RET: variants seen among roughly 807,000 people sequenced by gnomAD.
RET encodes the protein proto-oncogene tyrosine-protein kinase receptor Ret.
In RET, 19 loss-of-function variants were observed where a neutral mutation model predicts 118.3. That is an observed-to-expected ratio of 0.16 (90% CI 0.11 to 0.24). The LOEUF (loss-of-function observed/expected upper bound fraction) is 0.24. Among genes scored for constraint, RET ranks in the 10% least tolerant of loss-of-function variants. The pLI is 1.00. For missense variants in RET, 1,219 were observed against 1,502.1 expected (o/e 0.81, Z 3.12); for synonymous variants, 597 against 644.1 (o/e 0.93, Z 1.11).
At chr10:43,105,827 G>A (rs1837760168) in intron 4 of RET, among the ~76,000 whole-genome samples, 1 of 152,316 alleles carries the variant, frequency 6.6e-6, no homozygotes, top group Admixed American at 6.5e-5. Context: ...GTGAGTAAAG[G>A]CTATGTGGGC....
At chr10:43,086,902 G>A (rs772142939) in intron 1 of RET, among the ~76,000 whole-genome samples, 8 of 152,252 alleles carry the variant, frequency 5.3e-5, no homozygotes, top group Non-Finnish European at 1.2e-4. Context: ...GCAGAAGGTA[G>A]CCTTGGGCTG....
At chr10:43,096,766 A>G (rs961573801) in intron 1 of RET, among the ~76,000 whole-genome samples, 5 of 152,188 alleles carry the variant, frequency 3.3e-5, no homozygotes, top group Admixed American at 6.5e-5. Flanking sequence ...ATCTAGAATT[A>G]TGAAGAATTT....
At chr10:43,122,928 A>C (rs1464739093) in intron 16 of RET, among the ~76,000 whole-genome samples, 1 of 152,150 alleles carries the variant, frequency 6.6e-6, no homozygotes, top group Non-Finnish European at 1.5e-5. Context: ...CATCTTAAAT[A>C]CTGTGGGCTG....
rs1010774935 is a variant in RET at position 43,129,098 on chromosome 10, G to A, written c.*829G>A. On this transcript the variant is annotated 3_prime_UTR_variant, in exon 20 of 20. Transcript: ENST00000355710. ...GAGAACAGTATGAAGAAAGGGGGCTGTTGGAGTCCCAGAATTGCTGACAGC... is the reference window on the plus strand; with the variant it reads ...GAGAACAGTATGAAGAAAGGGGGCTATTGGAGTCCCAGAATTGCTGACAGC... 1.7e-5 allele frequency: 4 copies of A among 233,474 alleles called. No individual in the cohort carries two copies. The highest frequency in any genetic ancestry group is 4.4e-5 in the African/African-American group (2 of 45,310). The allele number at this position is 233,474 out of a possible 1,614,324, so 14.5% of individuals were successfully genotyped here.
rs1217729118 is a variant in RET at position 43,100,627 on chromosome 10, A to G, written c.242A>G (p.His81Arg). The G allele has an allele frequency of 1.9e-6, 3 of 1,613,842 alleles. No individual in the cohort carries two copies. Among genetic ancestry groups the G allele is most frequent in the Admixed American group, 1.7e-5 (1 of 59,986 alleles). The change falls in exon 2 of 20, where the codon CAT becomes CGT. Residue 81 changes from histidine to arginine, a missense_variant. Physicochemically the swap from His to Arg is conservative, Grantham distance 29. Transcript: ENST00000355710. The stretch of plus-strand genomic sequence containing the variant: ...TACGGCACGTACCGCACACGGCTGC[A>G]TGAGAACAACTGGATCTGCATCCAG... ...HLYGTYRTRL[H>R]ENNWICIQED...
Position 43,124,838 on chromosome 10 carries a change from C to T in RET, c.2940-45C>T, listed in dbSNP as rs370072408. On this transcript the variant is annotated intron_variant, in intron 17 of 19. Coordinates refer to ENST00000355710, the MANE Select transcript of RET (RefSeq NM_020975.6). ...CTGTGGTGGGCTGTCCTTCTGAGAC[C>T]TGGCCCTGCTTGGATCATATTGGCC... is the stretch of plus-strand genomic sequence containing the variant. The T allele has an allele frequency of 4.6e-4, 740 of 1,593,824 alleles. 9 individuals carry two copies. The South Asian group carries it at 5.8e-3, about 13-fold the overall frequency.
At chr10:43,124,254 T>C (rs555940849) in intron 17 of RET, among the ~76,000 whole-genome samples, 4 of 151,866 alleles carry the variant, frequency 2.6e-5, no homozygotes, top group Non-Finnish European at 4.4e-5. Flanking sequence ...TGAGAACAGA[T>C]GAGAAAGGGC....
intron 1 of RET, among the ~76,000 whole-genome samples, chr10:43,078,474 G>C (rs1837101052): frequency 6.6e-6 from 1 of 152,386 alleles, no homozygotes; most frequent in East Asian, 1.9e-4. Flanking sequence ...GCTGAGGCCA[G>C]AGCGGGTCCC....
At chr10:43,126,055 C>T (rs775553746) in intron 18 of RET, among the ~76,000 whole-genome samples, 59 of 152,176 alleles carry the variant, frequency 3.9e-4, no homozygotes, top group Non-Finnish European at 1.5e-4. Context: ...ACCCTGACAG[C>T]GCTGTCAGAT....
chr10:43,077,406 A>T, intron 1 of RET, 75 bp downstream of exon 1: 1 of 1,451,482 alleles, frequency 6.9e-7, no homozygotes, highest in Non-Finnish European at 9.1e-7. Flanking sequence ...GGGCGCGTTC[A>T]GAAGCGCCTT....
Position 43,109,203 on chromosome 10 carries a change from G to C in RET, c.1236G>C (p.Val412=), listed in dbSNP as rs1060500761. Residue 412 remains valine, a synonymous_variant, in exon 6 of 20, where the codon GTG becomes GTC. Coordinates refer to ENST00000355710, the MANE Select transcript of RET (RefSeq NM_020975.6). ...LHLPSTYSLS[V]SRRARRFAQI... is the part of the protein sequence containing the mutation. ...TGCCCAGTACCTACTCCCTCTCCGT[G>C]AGCAGGAGGGCTCGCCGATTTGCCC... 6.2e-7 allele frequency: 1 copy of C among 1,613,608 alleles called. No homozygotes were observed. Among genetic ancestry groups the C allele is most frequent in the Non-Finnish European group, 8.5e-7 (1 of 1,180,036 alleles).
At chr10:43,119,793 C>T (rs770623355) in intron 14 of RET, 48 bp downstream of exon 14, 31 of 1,586,148 alleles carry the variant, frequency 2.0e-5, no homozygotes, top group Non-Finnish European at 2.5e-5. Flanking sequence ...CAGGCCACAC[C>T]CTGACCCACC....
chr10:43,109,369 G>A, intron 6 of RET, 139 bp downstream of exon 6: 2 of 873,180 alleles, frequency 2.3e-6, no homozygotes, highest in Non-Finnish European at 1.8e-6. Flanking sequence ...GGGCCAGGAG[G>A]TACAGCTGTG....
chr10:43,104,796 T>C, intron 3 of RET, 156 bp from the exon 4 acceptor site: 1 of 1,165,228 alleles, frequency 8.6e-7, no homozygotes, highest in South Asian at 1.5e-5. Flanking sequence ...AAACTCGTGC[T>C]CCGAGCGCTG....
intron 6 of RET, among the ~76,000 whole-genome samples, chr10:43,110,597 C>T (rs145431996): frequency 7.5e-4 from 114 of 152,282 alleles, no homozygotes; most frequent in African/African-American, 2.6e-3. Flanking sequence ...GTCCCAGAGC[C>T]TGGCATCCCC....
rs267607011 is a variant in RET, at chr10:43,120,184, C to T, written c.2711C>T (p.Ser904Phe). ...TCCCGAGATGTTTATGAAGAGGATT[C>T]CTACGTGAAGAGGAGCCAGGTGCCC... ...GLSRDVYEED[S>F]YVKRSQGRIP... Residue 904 changes from serine to phenylalanine, a missense_variant, in exon 15 of 20, where the codon TCC becomes TTC. Ser to Phe is a radical substitution (Grantham distance 155, BLOSUM62 -2). Around this residue, in one of 5 missense-constraint regions of RET, gnomAD observed 73 missense variants for 156.5 expected, o/e 0.47. Coordinates refer to ENST00000355710, the MANE Select transcript of RET (RefSeq NM_020975.6). 6.2e-7 allele frequency: 1 copy of T among 1,613,158 alleles called. No homozygotes were observed.
Position 43,104,976 on chromosome 10 carries a change from C to A in RET, c.650C>A (p.Ala217Asp), listed in dbSNP as rs1060500754. Reference protein sequence around the residue: ...LEGEGLPFRCAPDSLEVSTRW... With the variant: ...LEGEGLPFRCDPDSLEVSTRW... ...GGTGAGGGTCTGCCCTTCCGCTGCG[C>A]CCCGGACAGCCTGGAGGTGAGCACG... Residue 217 changes from alanine (A) to aspartate (D), a missense_variant, in exon 4 of 20, where the codon GCC (alanine) becomes GAC (aspartate). Transcript: ENST00000355710. 2 of 1,575,602 alleles carry A rather than the reference C, an allele frequency of 1.3e-6. No individual in the cohort carries two copies. The highest frequency in any genetic ancestry group is 8.6e-7 in the Non-Finnish European group (1 of 1,168,580).
chr10:43,086,369 G>T (rs1837289229), intron 1 of RET, among the ~76,000 whole-genome samples: 1 of 152,210 alleles, frequency 6.6e-6, no homozygotes, highest in Non-Finnish European at 1.5e-5. Context: ...GCGAAAATGG[G>T]CAAGACCATC....
intron 9 of RET, among the ~76,000 whole-genome samples, chr10:43,113,187 C>A (rs1219559836): frequency 6.6e-6 from 1 of 152,112 alleles, no homozygotes; most frequent in African/African-American, 2.4e-5. Context: ...GCTGAGGTCC[C>A]AGAAGTCGGC....
Sources: gnomAD v4.1 joint callset for allele counts (sites outside exome capture counted in the v4.1 genomes callset) on GRCh38, gnomAD v4.1.1 for gene constraint, gnomAD v4.1.1 regional missense constraint, MANE v1.5 for transcripts, NCBI Gene and HGNC (gene_info 2026-07-23, HGNC 2026-07-21) for gene names.